SCFD2: variants seen among roughly 807,000 people sequenced by gnomAD.
The protein encoded by SCFD2 is sec1 family domain containing 2.
Under a neutral mutation model 58.9 loss-of-function variants are expected in SCFD2, and 54 were observed. The ratio of observed to expected loss-of-function variants is 0.92; its 90% CI spans 0.74 to 1.15. The LOEUF (loss-of-function observed/expected upper bound fraction) is 1.15, where lower values mean the gene tolerates loss of function less well. Ranked by LOEUF, SCFD2 falls within the 50% of genes most tolerant of loss-of-function variation. The pLI is 0.00. For missense variants in SCFD2, 805 were observed against 836.6 expected, an observed-to-expected ratio of 0.96 and a Z score of 0.47; for synonymous variants, 321 against 335.9, an observed-to-expected ratio of 0.96 and a Z score of 0.49.
rs531416233 is a variant in SCFD2, at chr4:53,078,801, A to T, written c.1561+66532T>A. Among the ~76,000 whole-genome samples, 20 of 152,124 alleles carry T rather than the reference A, an allele frequency of 1.3e-4. 1 individual carries two copies. The South Asian group carries it at 3.3e-3, about 25-fold the overall frequency. On this transcript the variant is annotated intron_variant, in intron 5 of 8. Transcript: ENST00000401642. ...ACAATGCTGTATTTACTAATATAAT[A>T]AAAAAAATCTATTAAATGGTTATGT...
intron 4 of SCFD2, among the ~76,000 whole-genome samples, chr4:53,179,737 T>A (rs1727477410): frequency 6.6e-6 from 1 of 152,162 alleles, no homozygotes; most frequent in Non-Finnish European, 1.5e-5. Context: ...CCCATCAGTG[T>A]GCTGTATTCA....
rs890706931 is a variant in SCFD2 at position 53,036,472 on chromosome 4, A to T, written c.1561+108861T>A. On this transcript the variant is annotated intron_variant, in intron 5 of 8. Coordinates refer to ENST00000401642, the MANE Select transcript of SCFD2 (RefSeq NM_152540.4). Reference sequence around the variant, plus strand: ...TGTCCATCAATAGTAGACCGGATAAAGAAAATGTGGCACAAATACACCCTG... The same window carrying T: ...TGTCCATCAATAGTAGACCGGATAATGAAAATGTGGCACAAATACACCCTG... Among the ~76,000 whole-genome samples the T allele has an allele frequency of 3.3e-5, 5 of 152,058 alleles. 1 individual carries two copies. Among genetic ancestry groups the T allele is most frequent in the East Asian group, 3.9e-4 (2 of 5,128 alleles).
chr4:53,191,769 T>G (rs754343797), intron 4 of SCFD2, among the ~76,000 whole-genome samples: 1 of 152,206 alleles, frequency 6.6e-6, no homozygotes, highest in Non-Finnish European at 1.5e-5. Context: ...GAACACACTT[T>G]GTGACTGCAA....
intron 4 of SCFD2, among the ~76,000 whole-genome samples, chr4:53,270,442 C>T (rs1277168840): frequency 6.6e-6 from 1 of 151,986 alleles, no homozygotes; most frequent in African/African-American, 2.4e-5. Flanking sequence ...TCCTTCAAGT[C>T]AGGAATAAGA....
chr4:52,926,557 C>A (rs576197554), intron 5 of SCFD2, among the ~76,000 whole-genome samples: 1 of 152,218 alleles, frequency 6.6e-6, no homozygotes, highest in Non-Finnish European at 1.5e-5. Context: ...GTTCTAAAGG[C>A]CACTCAGGCC....
intron 5 of SCFD2, among the ~76,000 whole-genome samples, chr4:52,977,653 CA>C (rs1464356704): frequency 6.6e-6 from 1 of 152,158 alleles, no homozygotes; most frequent in Non-Finnish European, 1.5e-5. Context: ...TATTCAGGAA[CA>C]AAGACTGAAT....
chr4:53,254,748 G>A (rs1730533117), intron 4 of SCFD2, among the ~76,000 whole-genome samples: 1 of 151,624 alleles, frequency 6.6e-6, no homozygotes, highest in African/African-American at 2.4e-5. Flanking sequence ...GGGCTACTGA[G>A]CACTGAAATT....
At chr4:53,003,472 A>C (rs1255993313) in intron 5 of SCFD2, among the ~76,000 whole-genome samples, 3 of 152,246 alleles carry the variant, frequency 2.0e-5, no homozygotes, top group Non-Finnish European at 4.4e-5. Context: ...ATGCAGATAT[A>C]GGACATTTCC....
chr4:53,311,663 G>C, intron 3 of SCFD2, among the ~76,000 whole-genome samples: 1 of 149,580 alleles, frequency 6.7e-6, no homozygotes. Context: ...TTTAAACGGT[G>C]TCTCACTCTG....
chr4:53,335,212 A>AAT (rs1733642654), intron 2 of SCFD2, among the ~76,000 whole-genome samples: 1 of 84,864 alleles, frequency 1.2e-5, no homozygotes, highest in Non-Finnish European at 2.0e-5. Flanking sequence ...AAAAAAAAAA[A>AAT]ACAACAAAAA....
At chr4:53,250,018 G>C (rs891256198) in intron 4 of SCFD2, among the ~76,000 whole-genome samples, 2 of 152,116 alleles carry the variant, frequency 1.3e-5, no homozygotes, top group African/African-American at 2.4e-5. Context: ...ATTGGATAAA[G>C]AGTCAAGACC....
chr4:53,352,744 G>T lies in SCFD2; in HGVS notation c.861C>A (p.Asp287Glu). ...CTGAAATGATCTTCTCTACTAAGTT[G>T]TCTCCATGATGTCCAACTGCTCCTG... ...DLTGAVGHHG[D>E]NLVEKIISAL... is the part of the protein sequence containing the mutation. Residue 287 changes from aspartate (D) to glutamate (E), a missense_variant, in exon 2 of 9, where the codon GAC becomes GAA. Around this residue, in one of 3 missense-constraint regions of SCFD2, gnomAD observed 633 missense variants for 646.8 expected, o/e 0.98. Coordinates refer to ENST00000401642, the MANE Select transcript of SCFD2 (RefSeq NM_152540.4). 6.2e-7 allele frequency: 1 copy of T among 1,614,080 alleles called. No individual in the cohort carries two copies. Among genetic ancestry groups the T allele is most frequent in the Non-Finnish European group, 8.5e-7 (1 of 1,179,976 alleles).
chr4:53,302,566 C>T (rs1487833964), intron 3 of SCFD2, among the ~76,000 whole-genome samples: 2 of 152,172 alleles, frequency 1.3e-5, no homozygotes, highest in African/African-American at 4.8e-5. Context: ...CATCAAGCTA[C>T]CAATGCCTTT....
chr4:53,353,623 T>C (rs975856886), intron 1 of SCFD2, among the ~76,000 whole-genome samples: 4 of 152,184 alleles, frequency 2.6e-5, no homozygotes, highest in Middle Eastern at 3.2e-3. Context: ...AGGGTGCTGA[T>C]TGGTGCATTT....
intron 5 of SCFD2, among the ~76,000 whole-genome samples, chr4:53,097,274 G>A (rs1174952644): frequency 6.6e-6 from 1 of 152,088 alleles, no homozygotes; most frequent in Non-Finnish European, 1.5e-5. Context: ...AGCTTGATGG[G>A]GATGGCATTG....
chr4:52,909,339 G>A (rs1367994494), intron 6 of SCFD2, among the ~76,000 whole-genome samples: 2 of 152,182 alleles, frequency 1.3e-5, no homozygotes, highest in Admixed American at 1.3e-4. Context: ...TCCACAGGGA[G>A]GAATGCCATG....
intron 5 of SCFD2, among the ~76,000 whole-genome samples, chr4:53,065,007 A>G (rs1287411529): frequency 1.3e-5 from 2 of 152,132 alleles, no homozygotes; most frequent in African/African-American, 4.8e-5. Flanking sequence ...TTTTGAAAGC[A>G]TGTTGCTTTT....
intron 5 of SCFD2, among the ~76,000 whole-genome samples, chr4:53,119,729 A>T (rs1035079237): frequency 3.3e-5 from 5 of 152,130 alleles, no homozygotes; most frequent in Non-Finnish European, 7.3e-5. Context: ...GAGTGCTGTA[A>T]TCCCCTGTAG....
chr4:53,161,360 A>G (rs1267194864), intron 4 of SCFD2, among the ~76,000 whole-genome samples: 1 of 152,212 alleles, frequency 6.6e-6, no homozygotes, highest in Non-Finnish European at 1.5e-5. Flanking sequence ...AGAGCTATCT[A>G]CTTAGAGTTC....
Sources: allele counts gnomAD v4.1 joint callset (sites outside exome capture counted in the v4.1 genomes callset), GRCh38; gene constraint gnomAD v4.1.1; regional missense constraint gnomAD v4.1.1; transcripts MANE v1.5; gene names NCBI Gene and HGNC (gene_info 2026-07-23, HGNC 2026-07-21).